ANKFY1: variants seen among roughly 807,000 people sequenced by gnomAD.
The protein encoded by ANKFY1 is ankyrin repeat and FYVE domain-containing protein 1.
A neutral mutation model predicts 128.3 loss-of-function variants in ANKFY1; 47 were observed. The observed-to-expected ratio is 0.37, with a 90% CI of 0.29 to 0.47. The LOEUF (loss-of-function observed/expected upper bound fraction) is 0.47, where lower values mean the gene tolerates loss of function less well. Ranked by LOEUF, ANKFY1 falls within the 20% of genes least tolerant of loss-of-function variation. The probability of loss-of-function intolerance (pLI) is 1.00; values close to 1 mark genes in which losing one functional copy is unlikely to be tolerated. For synonymous variants in ANKFY1, 553 were observed against 601.6 expected (o/e 0.92, Z 1.18); for missense variants, 1,222 against 1,510.6 (o/e 0.81, Z 3.17).
At chr17:4,222,445 C>A in intron 3 of ANKFY1, 1 of 805,954 alleles carries the variant, frequency 1.2e-6, no homozygotes, top group East Asian at 2.4e-5. Context: ...TGAATGTAAG[C>A]TGGGATTCCA....
In ANKFY1 at chr17:4,167,571, G is replaced by C. The variant is rs1452225303; in HGVS notation, c.*208C>G. On this transcript the variant is annotated 3_prime_UTR_variant, in exon 25 of 25. Transcript: ENST00000341657. The surrounding 1 kb of genome is among the most constrained non-coding windows in gnomAD (Gnocchi z 4.1). Reference sequence around the variant, plus strand: ...CCTGGTCTGATGAGTGAGACATCTAGTGAAATCGATCACAGTCTGACACAC... The same window carrying C: ...CCTGGTCTGATGAGTGAGACATCTACTGAAATCGATCACAGTCTGACACAC... The C allele has an allele frequency of 6.2e-6, 3 of 481,134 alleles. No individual in the cohort carries two copies. Among genetic ancestry groups the C allele is most frequent in the Non-Finnish European group, 1.1e-5 (3 of 282,890 alleles). The allele number at this position is 481,134 out of a possible 1,614,324, so 29.8% of individuals were successfully genotyped here.
intron 3 of ANKFY1, among the ~76,000 whole-genome samples, chr17:4,229,652 T>A (rs1002576609): frequency 3.3e-5 from 5 of 152,170 alleles, no homozygotes; most frequent in Non-Finnish European, 5.9e-5. Flanking sequence ...AAAAGCAGTA[T>A]GAGGATTAAG....
chr17:4,195,403 T>C lies in ANKFY1; in HGVS notation c.1172A>G (p.Gln391Arg). The C allele has an allele frequency of 6.2e-7, 1 of 1,614,132 alleles. No homozygotes were observed. Among genetic ancestry groups the C allele is most frequent in the Non-Finnish European group, 8.5e-7 (1 of 1,179,986 alleles). Residue 391 changes from glutamine to arginine, a missense_variant and splice_region_variant, in exon 9 of 25, where the codon CAA (glutamine) becomes CGA (arginine). By Grantham distance (43) the Gln-to-Arg change is conservative. Transcript: ENST00000341657. ...YVFSQLLQCKQLDLELKDHEG... is the reference protein window; with the variant it reads ...YVFSQLLQCKRLDLELKDHEG... ...CACTTGTGCGTGTCTCCCTACGTACTGTTTGCACTGCAGCAGCTGACTGAA... is the reference window on the plus strand; with the variant it reads ...CACTTGTGCGTGTCTCCCTACGTACCGTTTGCACTGCAGCAGCTGACTGAA...
At chr17:4,224,202 C>G (rs1250372566) in intron 3 of ANKFY1, among the ~76,000 whole-genome samples, 1 of 145,142 alleles carries the variant, frequency 6.9e-6, no homozygotes, top group Non-Finnish European at 1.5e-5. Flanking sequence ...ATGTAAGTGA[C>G]TCACCTTTGA....
chr17:4,234,331 GC>G (rs2060566216), intron 3 of ANKFY1, among the ~76,000 whole-genome samples: 1 of 151,896 alleles, frequency 6.6e-6, no homozygotes, highest in South Asian at 2.1e-4. Context: ...TTTGCTCTTT[GC>G]CCCTTTTTTT....
rs79158206 is a variant in ANKFY1 at position 4,172,023 on chromosome 17, C to T, written c.3139+533G>A. Among the ~76,000 whole-genome samples the T allele has an allele frequency of 5.2e-3, 792 of 152,252 alleles. 6 individuals are homozygous for T. The highest frequency in any genetic ancestry group is 0.019 in the African/African-American group (772 of 41,528). ...CTGCCGTGAGTCCTCGGCAAGAAAA[C>T]GAACGCGAGAGTCACCGGAAAAGCT... is the stretch of plus-strand genomic sequence containing the variant. On this transcript the variant is annotated intron_variant, in intron 22 of 24. Transcript: ENST00000341657.
chr17:4,230,927 G>A (rs778607769), intron 3 of ANKFY1, among the ~76,000 whole-genome samples: 18 of 152,060 alleles, frequency 1.2e-4, no homozygotes, highest in South Asian at 6.2e-4. Flanking sequence ...AGGTAACTAC[G>A]TAATACATAC....
In ANKFY1 at chr17:4,167,686, G is replaced by A; in HGVS notation, c.*93C>T. The A allele has an allele frequency of 6.1e-6, 8 of 1,315,976 alleles. No individual in the cohort carries two copies. Among genetic ancestry groups the A allele is most frequent in the South Asian group, 3.4e-5 (2 of 57,980 alleles). 81.5% of individuals were successfully genotyped at this position (1,315,976 alleles called of 1,614,324 possible). ...AGTCTATTGCCGCAGGAAGACACCCGCCAGCTCCTGCTCTGGGTGGGGTCA... is the reference window on the plus strand; with the variant it reads ...AGTCTATTGCCGCAGGAAGACACCCACCAGCTCCTGCTCTGGGTGGGGTCA... On this transcript the variant is annotated 3_prime_UTR_variant, in exon 25 of 25. Transcript: ENST00000341657. The surrounding 1 kb of genome is among the most constrained non-coding windows in gnomAD (Gnocchi z 4.1).
intron 3 of ANKFY1, among the ~76,000 whole-genome samples, chr17:4,228,935 A>G (rs775297899): frequency 6.6e-6 from 1 of 152,210 alleles, no homozygotes; most frequent in African/African-American, 2.4e-5. Context: ...CCCGGCTCCA[A>G]TCCTTGCTAA....
intron 8 of ANKFY1, 86 bp from the exon 9 acceptor site, chr17:4,195,557 G>A (rs1488804750): frequency 1.0e-6 from 1 of 994,744 alleles, no homozygotes. Context: ...ATCCCAGGCA[G>A]AATCACCACC....
rs546745560 is a variant in ANKFY1 at position 4,183,438 on chromosome 17, C to T, written c.1912G>A (p.Ala638Thr). The T allele has an allele frequency of 2.2e-5, 35 of 1,613,850 alleles. No individual in the cohort carries two copies. In the East Asian group the frequency reaches 4.7e-4, roughly 22 times the overall value. ...GCCTGGTGCTCCAGCAGGAAGAGTG[C>T]GCTCTTGCTGTCCTGCCGCTGTATG... ...MAIQRQDSKSALFLLEHQADI... is the reference protein window; with the variant it reads ...MAIQRQDSKSTLFLLEHQADI... Residue 638 changes from alanine to threonine, a missense_variant, in exon 14 of 25, where the codon GCA becomes ACA. Physicochemically the swap from Ala to Thr is moderately conservative, Grantham distance 58. Transcript: ENST00000341657.
Position 4,195,452 on chromosome 17 carries a change from T to C in ANKFY1, c.1123A>G (p.Ile375Val), listed in dbSNP as rs199871848. The C allele has an allele frequency of 4.8e-3, 7,776 of 1,614,090 alleles. 24 individuals carry two copies. Among genetic ancestry groups the C allele is most frequent in the Non-Finnish European group, 5.8e-3 (6,859 of 1,179,994 alleles). The change falls in exon 9 of 25, where the codon ATC becomes GTC. Residue 375 changes from isoleucine (I) to valine (V), a missense_variant. Ile to Val is a conservative substitution (Grantham distance 29, BLOSUM62 3). Coordinates refer to ENST00000341657, the MANE Select transcript of ANKFY1 (RefSeq NM_001330063.2). ...SKGRTPLHVS[I>V]MAGNEYVFSQ... is the part of the protein sequence containing the mutation. Reference sequence around the variant, plus strand: ...AACACATATTCATTCCCGGCCATGATGGACACATGTAAAGGAGTCCTGCGG... The same window carrying C: ...AACACATATTCATTCCCGGCCATGACGGACACATGTAAAGGAGTCCTGCGG...
At chr17:4,252,999 C>A (rs757812616) in intron 1 of ANKFY1, among the ~76,000 whole-genome samples, 1 of 152,184 alleles carries the variant, frequency 6.6e-6, no homozygotes, top group Non-Finnish European at 1.5e-5. Flanking sequence ...AAACCAGGAT[C>A]ACTTGAGGTC....
intron 4 of ANKFY1, among the ~76,000 whole-genome samples, chr17:4,215,450 C>T (rs112325625): frequency 0.02 from 3,057 of 152,196 alleles, 109 homozygotes; most frequent in African/African-American, 0.07. Context: ...AAAAGAGCAA[C>T]GGCTGCTTCA....
chr17:4,238,708 C>T (rs1967046533), intron 2 of ANKFY1, among the ~76,000 whole-genome samples: 1 of 151,844 alleles, frequency 6.6e-6, no homozygotes, highest in South Asian at 2.1e-4. Flanking sequence ...TCCTGATCCG[C>T]CCAACTCAAC....
At position 4,167,029 on chromosome 17, in the gene ANKFY1, A is replaced by G. The variant is rs2059223229; in HGVS notation, c.*750T>C. On this transcript the variant is annotated 3_prime_UTR_variant, in exon 25 of 25. Transcript: ENST00000341657. The surrounding 1 kb of genome is among the most constrained non-coding windows in gnomAD (Gnocchi z 4.1). Reference sequence around the variant, plus strand: ...ATTTCCTCCAGCACTCTCCAACAGCAGAGTGACTGAGGACTCCACAGACAG... The same window carrying G: ...ATTTCCTCCAGCACTCTCCAACAGCGGAGTGACTGAGGACTCCACAGACAG... 1 of 152,640 alleles carries G rather than the reference A, an allele frequency of 6.6e-6. No individual in the cohort carries two copies. The highest frequency in any genetic ancestry group is 2.4e-5 in the African/African-American group (1 of 41,456). The allele number at this position is 152,640 out of a possible 1,614,324, so 9.5% of individuals were successfully genotyped here.
At chr17:4,251,664 T>G (rs1967839266) in intron 1 of ANKFY1, among the ~76,000 whole-genome samples, 1 of 151,902 alleles carries the variant, frequency 6.6e-6, no homozygotes, top group Admixed American at 6.6e-5. Context: ...AATTTGACTT[T>G]ACCAAATTTT....
intron 3 of ANKFY1, among the ~76,000 whole-genome samples, chr17:4,234,038 T>C (rs2060560600): frequency 6.6e-6 from 1 of 152,240 alleles, no homozygotes; most frequent in Non-Finnish European, 1.5e-5. Context: ...GATATACAGA[T>C]ACTTACCACT....
At position 4,164,152 on chromosome 17, in the gene ANKFY1, C is replaced by G. The variant is rs1195688268; in HGVS notation, c.*3627G>C. 2 of 152,532 alleles carry G rather than the reference C, an allele frequency of 1.3e-5. No individual in the cohort carries two copies. Among genetic ancestry groups the G allele is most frequent in the Non-Finnish European group, 2.9e-5 (2 of 68,032 alleles). 9.4% of individuals were successfully genotyped at this position (152,532 alleles called of 1,614,324 possible). ...CTCCTCTGGGATCACACAGGGATGT[C>G]GTAACAGCCAACTCCACACATCTGC... is the stretch of plus-strand genomic sequence containing the variant. On this transcript the variant is annotated 3_prime_UTR_variant, in exon 25 of 25. Coordinates refer to ENST00000341657, the MANE Select transcript of ANKFY1 (RefSeq NM_001330063.2).
Sources: allele counts gnomAD v4.1 joint callset (sites outside exome capture counted in the v4.1 genomes callset), GRCh38; gene constraint gnomAD v4.1.1; non-coding constraint Gnocchi (gnomAD v3.1); transcripts MANE v1.5; gene names NCBI Gene and HGNC (gene_info 2026-07-23, HGNC 2026-07-21).